Variants in LRBA observed in about 807,000 individuals in gnomAD.
LRBA encodes the protein LPS responsive beige-like anchor protein.
LRBA carries 176 observed loss-of-function variants against 330.0 expected under a neutral mutation model. The ratio of observed to expected loss-of-function variants is 0.53; its 90% CI spans 0.47 to 0.60. The LOEUF (loss-of-function observed/expected upper bound fraction) is 0.60, where lower values mean the gene tolerates loss of function less well. Ranked by LOEUF, LRBA falls within the 20% of genes least tolerant of loss-of-function variation. The pLI, the probability that LRBA is intolerant of heterozygous loss-of-function variation, is 0.00. For missense variants in LRBA, 3,259 were observed against 3,444.8 expected (o/e 0.95, Z 1.35); for synonymous variants, 1,230 against 1,193.0 (o/e 1.03, Z -0.64).
chr4:150,948,715 GAAT>G (rs1175266475), intron 2 of LRBA, among the ~76,000 whole-genome samples: 2 of 151,684 alleles, frequency 1.3e-5, no homozygotes, highest in African/African-American at 4.8e-5. Context: ...TCTGACAAAA[GAAT>G]AATATCTAAA....
At chr4:150,439,040 T>A (rs1751492299) in intron 44 of LRBA, among the ~76,000 whole-genome samples, 1 of 152,216 alleles carries the variant, frequency 6.6e-6, no homozygotes, top group African/African-American at 2.4e-5. Context: ...CTCCAAGGAT[T>A]CTTTCTTTGT....
chr4:150,382,966 G>C (rs2151892702), intron 47 of LRBA, among the ~76,000 whole-genome samples: 1 of 152,256 alleles, frequency 6.6e-6, no homozygotes, highest in Non-Finnish European at 1.5e-5. Context: ...AACAAGTACT[G>C]AAATATGCCA....
At chr4:150,766,804 T>C (rs1210670674) in intron 34 of LRBA, among the ~76,000 whole-genome samples, 2 of 152,122 alleles carry the variant, frequency 1.3e-5, no homozygotes, top group Non-Finnish European at 1.5e-5. Flanking sequence ...CAACCACTAA[T>C]GCAACTAAGT....
rs532207691 is a variant in LRBA at position 150,295,183 on chromosome 4, A to G, written c.8017+7442T>C. On this transcript the variant is annotated intron_variant, in intron 53 of 56. Transcript: ENST00000651943. ...GTACAGTAATTTGGTGCATTCCCCA[A>G]ATTAAAATAGCTTTTTTTTTTTTTT... 2.1e-5 allele frequency among the ~76,000 whole-genome samples: 3 copies of G among 146,192 alleles called. No individual in the cohort carries two copies. The South Asian group carries it at 6.5e-4, about 31-fold the overall frequency.
At chr4:150,934,431 A>C (rs1734850570) in intron 2 of LRBA, among the ~76,000 whole-genome samples, 1 of 152,248 alleles carries the variant, frequency 6.6e-6, no homozygotes, top group Non-Finnish European at 1.5e-5. Flanking sequence ...TAAATTTATA[A>C]ACTCATTCAA....
chr4:150,784,439 T>A (rs1421197208), intron 34 of LRBA, among the ~76,000 whole-genome samples: 4 of 152,136 alleles, frequency 2.6e-5, no homozygotes, highest in Admixed American at 6.6e-5. Flanking sequence ...CCCCACATGA[T>A]CCTGGCAACA....
At chr4:150,604,799 C>T (rs1466339879) in intron 37 of LRBA, among the ~76,000 whole-genome samples, 1 of 152,130 alleles carries the variant, frequency 6.6e-6, no homozygotes, top group Non-Finnish European at 1.5e-5. Context: ...TTTACCCACA[C>T]ATCCCCCAGT....
intron 20 of LRBA, among the ~76,000 whole-genome samples, chr4:150,870,148 CAT>C (rs1753255300): frequency 6.6e-6 from 1 of 152,090 alleles, no homozygotes; most frequent in African/African-American, 2.4e-5. Flanking sequence ...ATAAAGAAGA[CAT>C]ATTGTTCTAT....
At chr4:150,279,087 G>T (rs1049542877) in intron 55 of LRBA, among the ~76,000 whole-genome samples, 2 of 152,174 alleles carry the variant, frequency 1.3e-5, no homozygotes, top group African/African-American at 4.8e-5. Flanking sequence ...GACTCCCAAA[G>T]TGCTGGGATT....
chr4:150,267,449 A>T (rs1745499312), intron 56 of LRBA, among the ~76,000 whole-genome samples: 1 of 152,176 alleles, frequency 6.6e-6, no homozygotes, highest in Non-Finnish European at 1.5e-5. Flanking sequence ...ACAACAACAT[A>T]AGAGACATCA....
At position 150,553,018 on chromosome 4, in the gene LRBA, G is replaced by A. The variant is rs1167089153; in HGVS notation, c.6330+35030C>T. On this transcript the variant is annotated intron_variant, in intron 40 of 56. Coordinates refer to ENST00000651943, the MANE Select transcript of LRBA (RefSeq NM_001364905.1). ...CGGGAAACGGAGCTTGCAGTGAGCC[G>A]AGATCATGCCACTGCACTCCAGCCT... Among the ~76,000 whole-genome samples the A allele has an allele frequency of 3.3e-5, 5 of 151,242 alleles. No individual in the cohort carries two copies. In the East Asian group the frequency reaches 7.8e-4, roughly 24 times the overall value.
At chr4:150,738,281 G>A (rs1731486379) in intron 35 of LRBA, among the ~76,000 whole-genome samples, 1 of 152,022 alleles carries the variant, frequency 6.6e-6, no homozygotes, top group Admixed American at 6.6e-5. Flanking sequence ...GTGAGACACA[G>A]CAGCCGGCCG....
At chr4:150,837,972 T>C (rs1324117522) in intron 28 of LRBA, among the ~76,000 whole-genome samples, 2 of 152,218 alleles carry the variant, frequency 1.3e-5, no homozygotes, top group African/African-American at 2.4e-5. Flanking sequence ...CAGGAGCTCT[T>C]GTAGGGCAGG....
At chr4:150,329,108 T>C (rs1480757014) in intron 48 of LRBA, among the ~76,000 whole-genome samples, 5 of 152,176 alleles carry the variant, frequency 3.3e-5, no homozygotes, top group Non-Finnish European at 7.4e-5. Context: ...GATTATTCTA[T>C]CTCAATGACA....
intron 40 of LRBA, among the ~76,000 whole-genome samples, chr4:150,532,668 G>A (rs1296616766): frequency 1.3e-5 from 2 of 151,984 alleles, no homozygotes; most frequent in Non-Finnish European, 2.9e-5. Context: ...CCCTATTAGT[G>A]AAAAAGTCTA....
At chr4:150,656,293 T>C (rs1292999363) in intron 37 of LRBA, among the ~76,000 whole-genome samples, 1 of 152,260 alleles carries the variant, frequency 6.6e-6, no homozygotes, top group African/African-American at 2.4e-5. Flanking sequence ...TTTAATCCAG[T>C]AGCAAAATGA....
chr4:150,778,221 A>G (rs1181356587), intron 34 of LRBA, among the ~76,000 whole-genome samples: 1 of 152,164 alleles, frequency 6.6e-6, no homozygotes, highest in African/African-American at 2.4e-5. Flanking sequence ...GTAAAATAGA[A>G]TACTGCCCTT....
intron 37 of LRBA, among the ~76,000 whole-genome samples, chr4:150,607,612 G>C (rs1197405944): frequency 6.6e-6 from 1 of 151,830 alleles, no homozygotes; most frequent in African/African-American, 2.4e-5. Context: ...ATTTAAAATA[G>C]GGAGATTGAC....
intron 36 of LRBA, among the ~76,000 whole-genome samples, chr4:150,694,661 A>G (rs904145295): frequency 9.2e-5 from 14 of 152,154 alleles, no homozygotes; most frequent in African/African-American, 3.1e-4. Flanking sequence ...AGCCTAAGCC[A>G]ATGAAACAGA....
Sources: gnomAD v4.1 joint callset for allele counts (sites outside exome capture counted in the v4.1 genomes callset) on GRCh38, gnomAD v4.1.1 for gene constraint, MANE v1.5 for transcripts, NCBI Gene and HGNC (gene_info 2026-07-23, HGNC 2026-07-21) for gene names.